The following AFF3 variants were observed in gnomAD, a reference collection of about 807,000 sequenced individuals.
AFF3 encodes ALF transcription elongation factor 3, also known as AF4/FMR2 family member 3.
In AFF3, 32 loss-of-function variants were observed where a neutral mutation model predicts 129.7. The observed-to-expected ratio is 0.25, with a 90% CI of 0.19 to 0.33. The LOEUF (loss-of-function observed/expected upper bound fraction) is 0.33, where lower values mean the gene tolerates loss of function less well. AFF3 is among the 10% of genes least tolerant of loss of function. The pLI, the probability that AFF3 is intolerant of heterozygous loss-of-function variation, is 1.00. For synonymous variants in AFF3, 644 were observed against 635.4 expected, an observed-to-expected ratio of 1.01 and a Z score of -0.20; for missense variants, 1,373 against 1,592.0, an observed-to-expected ratio of 0.86 and a Z score of 2.34.
At chr2:100,106,542 C>T in intron 2 of AFF3, 1 of 996,342 alleles carries the variant, frequency 1.0e-6, no homozygotes, top group Non-Finnish European at 1.2e-6. Context: ...AGACAGCATT[C>T]CCAGGAACAA....
At chr2:99,815,153 G>A (rs1283483988) in intron 8 of AFF3, among the ~76,000 whole-genome samples, 1 of 152,164 alleles carries the variant, frequency 6.6e-6, no homozygotes, top group Non-Finnish European at 1.5e-5. Flanking sequence ...CACAAAAAAG[G>A]TCTAGAGAGA....
intron 8 of AFF3, among the ~76,000 whole-genome samples, chr2:99,823,686 G>C (rs748144383): frequency 6.6e-6 from 1 of 152,170 alleles, no homozygotes; most frequent in Non-Finnish European, 1.5e-5. Flanking sequence ...CAGTAGCAAA[G>C]ACATGGAATC....
At chr2:99,905,827 A>C (rs1216264911) in intron 7 of AFF3, among the ~76,000 whole-genome samples, 2 of 152,212 alleles carry the variant, frequency 1.3e-5, no homozygotes, top group African/African-American at 2.4e-5. Flanking sequence ...CAGCAGCAGC[A>C]GATCCTAATG....
chr2:99,890,569 C>G (rs1026523502), intron 7 of AFF3, among the ~76,000 whole-genome samples: 1 of 152,100 alleles, frequency 6.6e-6, no homozygotes, highest in Non-Finnish European at 1.5e-5. Context: ...GCAGGAGCCC[C>G]GGAGCAGGAG....
chr2:99,918,798 T>C (rs970032788), intron 7 of AFF3, among the ~76,000 whole-genome samples: 10 of 152,272 alleles, frequency 6.6e-5, no homozygotes, highest in African/African-American at 2.4e-4. Flanking sequence ...TTTAATCTCA[T>C]TTTCAAAGGT....
intron 7 of AFF3, among the ~76,000 whole-genome samples, chr2:99,917,994 T>C (rs1022785724): frequency 1.3e-5 from 2 of 152,190 alleles, no homozygotes; most frequent in Non-Finnish European, 2.9e-5. Context: ...AATGGTAATA[T>C]GCTAGTGCAC....
chr2:99,605,767 C>T (rs1265353907), intron 13 of AFF3, among the ~76,000 whole-genome samples: 3 of 152,134 alleles, frequency 2.0e-5, no homozygotes, highest in Non-Finnish European at 2.9e-5. Flanking sequence ...ACTGCAGCCT[C>T]GAACTCCTGG....
intron 4 of AFF3, among the ~76,000 whole-genome samples, chr2:100,099,601 C>A (rs973108585): frequency 1.3e-5 from 2 of 151,980 alleles, no homozygotes; most frequent in African/African-American, 4.8e-5. Flanking sequence ...CAAATGCCAC[C>A]CCACCATGAA....
chr2:99,729,123 G>T (rs1158651418), intron 10 of AFF3, among the ~76,000 whole-genome samples: 1 of 152,140 alleles, frequency 6.6e-6, no homozygotes, highest in Non-Finnish European at 1.5e-5. Flanking sequence ...TCTCTAGCCT[G>T]CAGTAGTTAC....
chr2:99,752,128 CA>C (rs1681708608), intron 9 of AFF3, 92 bp downstream of exon 9: 2 of 1,153,616 alleles, frequency 1.7e-6, no homozygotes, highest in Non-Finnish European at 2.6e-6. Flanking sequence ...GGAATATTTA[CA>C]GAAGAAAAGA....
chr2:100,081,462 C>T (rs533322581), intron 4 of AFF3, among the ~76,000 whole-genome samples: 12 of 152,048 alleles, frequency 7.9e-5, no homozygotes, highest in Admixed American at 4.6e-4. Context: ...TGACCACCTG[C>T]TCACCCAGGC....
At chr2:100,060,768 G>C (rs545145821) in intron 4 of AFF3, among the ~76,000 whole-genome samples, 1 of 152,196 alleles carries the variant, frequency 6.6e-6, no homozygotes, top group African/African-American at 2.4e-5. Flanking sequence ...GTCACAATGA[G>C]GGAGGCAACA....
Position 100,049,007 on chromosome 2 carries a change from C to T in AFF3, c.54-40075G>A, listed in dbSNP as rs1298709537. The stretch of plus-strand genomic sequence containing the variant: ...TTCTCTGGCTTCCAAAGCACAACTG[C>T]CTTTTGTTTTTGTCAAATATTGAGG... On this transcript the variant is annotated intron_variant, in intron 4 of 24. Coordinates refer to ENST00000672756, the MANE Select transcript of AFF3 (RefSeq NM_001386135.1). Among the ~76,000 whole-genome samples the T allele has an allele frequency of 2.6e-5, 4 of 152,258 alleles. No homozygotes were observed. The East Asian group carries it at 7.7e-4, about 29-fold the overall frequency.
At chr2:99,698,603 T>C (rs1476955942) in intron 11 of AFF3, among the ~76,000 whole-genome samples, 1 of 152,246 alleles carries the variant, frequency 6.6e-6, no homozygotes, top group African/African-American at 2.4e-5. Context: ...ATTTAAGCAC[T>C]TGATTTTTTA....
At chr2:99,593,031 T>C (rs994120149) in intron 15 of AFF3, among the ~76,000 whole-genome samples, 164 bp downstream of exon 15, 7 of 148,914 alleles carry the variant, frequency 4.7e-5, no homozygotes, top group Non-Finnish European at 1.0e-4. Context: ...TGTCTGGATA[T>C]AGAAAGTACC....
intron 7 of AFF3, among the ~76,000 whole-genome samples, chr2:99,888,647 ACT>A (rs1160351603): frequency 6.6e-6 from 1 of 151,942 alleles, no homozygotes; most frequent in Non-Finnish European, 1.5e-5. Flanking sequence ...GACTTTAAGA[ACT>A]CTTTCTTTTA....
chr2:99,734,194 A>C (rs1680061939), intron 10 of AFF3, among the ~76,000 whole-genome samples: 1 of 152,202 alleles, frequency 6.6e-6, no homozygotes, highest in South Asian at 2.1e-4. Context: ...CTAATATTAA[A>C]AGTTTTAAAC....
intron 7 of AFF3, among the ~76,000 whole-genome samples, chr2:99,855,472 A>G (rs944843018): frequency 3.2e-4 from 49 of 152,110 alleles, no homozygotes; most frequent in Non-Finnish European, 8.8e-5. Context: ...AATGAGAGCA[A>G]AAAAAATACC....
chr2:99,757,448 TAATAAC>T (rs1027434802), intron 8 of AFF3, among the ~76,000 whole-genome samples: 2 of 152,214 alleles, frequency 1.3e-5, no homozygotes, highest in African/African-American at 4.8e-5. Context: ...TCTCTCATAA[TAATAAC>T]AATAATTCTC....
Sources: gnomAD v4.1 joint callset for allele counts (sites outside exome capture counted in the v4.1 genomes callset) on GRCh38, gnomAD v4.1.1 for gene constraint, MANE v1.5 for transcripts, NCBI Gene and HGNC (gene_info 2026-07-23, HGNC 2026-07-21) for gene names.